PXDNL: variants seen among roughly 807,000 people sequenced by gnomAD.
The protein encoded by PXDNL is peroxidasin like.
In PXDNL, 145 loss-of-function variants were observed where a neutral mutation model predicts 150.8. The observed-to-expected ratio is 0.96, with a 90% confidence interval of 0.84 to 1.10. The LOEUF is 1.10. PXDNL is among the 50% of genes least tolerant of loss of function. PXDNL has a pLI of 0.00. For synonymous variants in PXDNL, 757 were observed against 725.7 expected (o/e 1.04, Z -0.69); for missense variants, 2,087 against 1,873.9 (o/e 1.11, Z -2.10).
chr8:51,508,029 A>C (rs1811329325), intron 4 of PXDNL, among the ~76,000 whole-genome samples: 2 of 152,312 alleles, frequency 1.3e-5, no homozygotes, highest in South Asian at 4.1e-4. Flanking sequence ...AAAACTATTA[A>C]AGGGGTGCCA....
At chr8:51,733,820 TA>T (rs1410511862) in intron 1 of PXDNL, among the ~76,000 whole-genome samples, 1 of 141,198 alleles carries the variant, frequency 7.1e-6, no homozygotes, top group African/African-American at 2.5e-5. Context: ...ATAATATATA[TA>T]TATATATATA....
intron 1 of PXDNL, among the ~76,000 whole-genome samples, chr8:51,768,894 G>A (rs1033492811): frequency 2.0e-5 from 3 of 152,210 alleles, no homozygotes; most frequent in African/African-American, 7.2e-5. Context: ...AGGAGATCGA[G>A]ACTATCCTGG....
chr8:51,369,207 G>T (rs1370782595), intron 19 of PXDNL, among the ~76,000 whole-genome samples: 1 of 152,058 alleles, frequency 6.6e-6, no homozygotes, highest in Non-Finnish European at 1.5e-5. Flanking sequence ...TCAGGTCTCA[G>T]GGATGGACTC....
rs778503665 is a variant in PXDNL at position 51,453,805 on chromosome 8, A to G, written c.983-20T>C. On this transcript the variant is annotated intron_variant, in intron 9 of 22. Coordinates refer to ENST00000356297, the MANE Select transcript of PXDNL (RefSeq NM_144651.5). Reference sequence around the variant, plus strand: ...GTTTGGCTGATGGTAAAGGGGGAACAAAACGAAATCCAGCAAGTAGCAGTT... The same window carrying G: ...GTTTGGCTGATGGTAAAGGGGGAACGAAACGAAATCCAGCAAGTAGCAGTT... 1.2e-6 allele frequency: 2 copies of G among 1,608,776 alleles called. No homozygotes were observed. Among genetic ancestry groups the G allele is most frequent in the African/African-American group, 2.7e-5 (2 of 74,812 alleles).
chr8:51,404,758 C>T (rs1385398163), intron 17 of PXDNL, among the ~76,000 whole-genome samples: 2 of 152,252 alleles, frequency 1.3e-5, no homozygotes, highest in Admixed American at 1.3e-4. Context: ...CAGCTGGCTT[C>T]ACCCAGTGGA....
intron 19 of PXDNL, among the ~76,000 whole-genome samples, chr8:51,352,950 G>A (rs950500510): frequency 6.6e-6 from 1 of 152,178 alleles, no homozygotes; most frequent in African/African-American, 2.4e-5. Context: ...GACTCCGAAA[G>A]GTAGGAGAGT....
intron 19 of PXDNL, among the ~76,000 whole-genome samples, chr8:51,348,588 T>G (rs1436387763): frequency 6.6e-6 from 1 of 152,222 alleles, no homozygotes; most frequent in Non-Finnish European, 1.5e-5. Flanking sequence ...AATGTTAGTA[T>G]AGTAGATGCT....
At chr8:51,462,875 A>T (rs538695154) in intron 8 of PXDNL, among the ~76,000 whole-genome samples, 9 of 152,126 alleles carry the variant, frequency 5.9e-5, no homozygotes, top group Non-Finnish European at 8.8e-5. Flanking sequence ...ATGAAAAAAA[A>T]ACCTAAAAGG....
intron 1 of PXDNL, among the ~76,000 whole-genome samples, chr8:51,770,371 G>A (rs2037279750): frequency 6.6e-6 from 1 of 152,322 alleles, no homozygotes; most frequent in African/African-American, 2.4e-5. Context: ...TGGCCTTCAT[G>A]GAGCTAATAG....
chr8:51,792,788 G>C (rs954889452), intron 1 of PXDNL, among the ~76,000 whole-genome samples: 17 of 152,352 alleles, frequency 1.1e-4, no homozygotes, highest in African/African-American at 3.6e-4. Flanking sequence ...CCCTGCTGGA[G>C]TTTCCGCAAC....
intron 1 of PXDNL, among the ~76,000 whole-genome samples, chr8:51,697,503 G>A (rs2130875417): frequency 6.6e-6 from 1 of 152,308 alleles, no homozygotes; most frequent in South Asian, 2.1e-4. Flanking sequence ...CAGGCAGTGA[G>A]CCAAGGCCAC....
intron 1 of PXDNL, among the ~76,000 whole-genome samples, chr8:51,787,755 T>C (rs1345544039): frequency 6.6e-6 from 1 of 152,240 alleles, no homozygotes; most frequent in African/African-American, 2.4e-5. Context: ...GTAGCAAGGA[T>C]TGAGAGAATT....
At chr8:51,657,785 T>C (rs1012845448) in intron 1 of PXDNL, among the ~76,000 whole-genome samples, 2 of 152,370 alleles carry the variant, frequency 1.3e-5, no homozygotes, top group African/African-American at 4.8e-5. Context: ...CACCAAATTA[T>C]AGATTTAAAC....
At chr8:51,577,606 A>ATG (rs1554554509) in intron 3 of PXDNL, among the ~76,000 whole-genome samples, 10 of 147,586 alleles carry the variant, frequency 6.8e-5, no homozygotes, top group African/African-American at 2.5e-4. Flanking sequence ...ATATATATAT[A>ATG]TATAATCAGG....
intron 1 of PXDNL, among the ~76,000 whole-genome samples, chr8:51,688,405 C>T (rs1009433406): frequency 1.3e-5 from 2 of 152,052 alleles, no homozygotes; most frequent in Non-Finnish European, 2.9e-5. Flanking sequence ...TTACAAGAAC[C>T]ACACACAGAA....
At chr8:51,650,209 CA>C (rs1485060363) in intron 2 of PXDNL, among the ~76,000 whole-genome samples, 4 of 150,350 alleles carry the variant, frequency 2.7e-5, no homozygotes, top group Non-Finnish European at 4.4e-5. Flanking sequence ...GTATTATATA[CA>C]GACAAAGTCA....
At chr8:51,355,172 C>T (rs1235389395) in intron 19 of PXDNL, among the ~76,000 whole-genome samples, 1 of 152,088 alleles carries the variant, frequency 6.6e-6, no homozygotes, top group Non-Finnish European at 1.5e-5. Flanking sequence ...TTTAGTAATA[C>T]TTCGAAGGCA....
chr8:51,530,270 G>GTTCTTTCTA (rs1811869741), intron 4 of PXDNL, among the ~76,000 whole-genome samples: 1 of 152,110 alleles, frequency 6.6e-6, no homozygotes, highest in Non-Finnish European at 1.5e-5. Context: ...GGGATCTAGC[G>GTTCTTTCTA]AGTGATTTCT....
chr8:51,377,645 G>A (rs1477140022), intron 17 of PXDNL, among the ~76,000 whole-genome samples: 2 of 152,254 alleles, frequency 1.3e-5, no homozygotes, highest in South Asian at 2.1e-4. Context: ...CAGGCAGTGA[G>A]GGGCTTAGCA....
Sources: allele counts gnomAD v4.1 joint callset (sites outside exome capture counted in the v4.1 genomes callset), GRCh38; gene constraint gnomAD v4.1.1; transcripts MANE v1.5; gene names NCBI Gene and HGNC (gene_info 2026-07-23, HGNC 2026-07-21).